NARS2: variants seen among roughly 807,000 people sequenced by gnomAD.
The protein encoded by NARS2 is asparaginyl-tRNA synthetase.
In NARS2, 60 loss-of-function variants were observed where a neutral mutation model predicts 62.9. The ratio of observed to expected loss-of-function variants is 0.95; its 90% CI spans 0.77 to 1.18. NARS2 has a LOEUF of 1.18. Ranked by LOEUF, NARS2 falls within the 50% of genes most tolerant of loss-of-function variation. The pLI is 0.00. For synonymous variants in NARS2, 196 were observed against 200.0 expected (o/e 0.98, Z 0.17); for missense variants, 619 against 576.4 (o/e 1.07, Z -0.76).
intron 11 of NARS2, among the ~76,000 whole-genome samples, chr11:78,459,810 TTAAA>T (rs2135191220): frequency 6.6e-6 from 1 of 152,338 alleles, no homozygotes; most frequent in African/African-American, 2.4e-5. Context: ...GTGTCATTAA[TTAAA>T]TAGTCATGCA....
intron 10 of NARS2, among the ~76,000 whole-genome samples, chr11:78,466,763 G>C (rs909714646): frequency 1.3e-5 from 2 of 152,170 alleles, no homozygotes; most frequent in African/African-American, 4.8e-5. Flanking sequence ...TTACAGGTGT[G>C]AGCCACAGTG....
In NARS2 at chr11:78,503,022, G is replaced by GAGATTGTCT. The variant is rs1860344631; in HGVS notation, c.690-9836_690-9828dup. Among the ~76,000 whole-genome samples, 9 of 147,990 alleles carry GAGATTGTCT rather than the reference G, an allele frequency of 6.1e-5. No homozygotes were observed. In the South Asian group the frequency reaches 1.9e-3, roughly 31 times the overall value. ...AAAAAAAAAAAAAAGGTTGAATGAC[G>GAGATTGTCT]AGATTGTCTATCAAGCACTTTACAC... On this transcript the variant is annotated intron_variant, in intron 6 of 13. Coordinates refer to ENST00000281038, the MANE Select transcript of NARS2 (RefSeq NM_024678.6).
chr11:78,445,939 C>T (rs911580358), intron 11 of NARS2, among the ~76,000 whole-genome samples: 4 of 152,014 alleles, frequency 2.6e-5, no homozygotes, highest in Non-Finnish European at 4.4e-5. Flanking sequence ...CTAGTCTAGG[C>T]GACAGGCAAG....
intron 4 of NARS2, among the ~76,000 whole-genome samples, chr11:78,562,053 C>CA (rs1177966396): frequency 1.8e-4 from 27 of 151,994 alleles, no homozygotes; most frequent in Admixed American, 1.6e-3. Flanking sequence ...AAACAAAAAA[C>CA]AAAAAACAAA....
At chr11:78,512,980 T>G (rs74945575) in intron 6 of NARS2, among the ~76,000 whole-genome samples, 2,354 of 152,308 alleles carry the variant, frequency 0.015, 57 homozygotes, top group African/African-American at 0.054. Flanking sequence ...CCGAGCACAG[T>G]GGCTCACATC....
In NARS2 at chr11:78,508,333, A is replaced by C. The variant is rs189004721; in HGVS notation, c.690-15138T>G. On this transcript the variant is annotated intron_variant, in intron 6 of 13. Coordinates refer to ENST00000281038, the MANE Select transcript of NARS2 (RefSeq NM_024678.6). ...AAAGAGAGTATCTGAAGAAATATGT[A>C]ATCTCAGTACTTTGGGAAGCCGAGG... 5.1e-3 allele frequency among the ~76,000 whole-genome samples: 780 copies of C among 152,328 alleles called. 3 individuals are homozygous for C. The highest frequency in any genetic ancestry group is 0.018 in the African/African-American group (756 of 41,572).
At chr11:78,571,521 G>T in intron 1 of NARS2, 77 bp from the exon 2 acceptor site, 1 of 977,838 alleles carries the variant, frequency 1.0e-6, no homozygotes, top group Non-Finnish European at 1.6e-6. Flanking sequence ...CAGACTAAAT[G>T]AAAGTAAAAC....
At chr11:78,519,592 A>G (rs1351887445) in intron 6 of NARS2, among the ~76,000 whole-genome samples, 1 of 152,200 alleles carries the variant, frequency 6.6e-6, no homozygotes, top group Admixed American at 6.5e-5. Context: ...TGATGTAAAG[A>G]CTTATGATCA....
chr11:78,458,747 G>A (rs1221036894), intron 11 of NARS2, among the ~76,000 whole-genome samples: 2 of 152,158 alleles, frequency 1.3e-5, no homozygotes, highest in Non-Finnish European at 2.9e-5. Flanking sequence ...ACCGATGAAT[G>A]AAAAAGAAGT....
intron 5 of NARS2, among the ~76,000 whole-genome samples, chr11:78,531,825 A>T (rs1042854436): frequency 4.7e-4 from 71 of 152,220 alleles, no homozygotes; most frequent in African/African-American, 1.7e-3. Flanking sequence ...AACATACAGA[A>T]TAGGTAAATC....
intron 11 of NARS2, among the ~76,000 whole-genome samples, chr11:78,456,850 T>C (rs1336759732): frequency 6.6e-6 from 1 of 152,246 alleles, no homozygotes; most frequent in African/African-American, 2.4e-5. Context: ...CAGAGGCATA[T>C]GGCATTTTGC....
intron 11 of NARS2, among the ~76,000 whole-genome samples, chr11:78,451,620 G>C (rs1393201309): frequency 1.3e-5 from 2 of 152,188 alleles, no homozygotes; most frequent in African/African-American, 4.8e-5. Flanking sequence ...GGACAATAAA[G>C]ACAGGAGGAA....
At chr11:78,491,442 A>C (rs1238974900) in intron 7 of NARS2, among the ~76,000 whole-genome samples, 2 of 152,350 alleles carry the variant, frequency 1.3e-5, no homozygotes, top group Middle Eastern at 3.4e-3. Context: ...AATATTACTA[A>C]CTGCTGATGG....
chr11:78,482,396 C>G (rs1373508960), intron 7 of NARS2, among the ~76,000 whole-genome samples: 1 of 151,694 alleles, frequency 6.6e-6, no homozygotes, highest in African/African-American at 2.4e-5. Context: ...TAACTAAGAT[C>G]AGAGCAGAAC....
intron 5 of NARS2, among the ~76,000 whole-genome samples, chr11:78,536,428 G>A (rs918090267): frequency 1.6e-4 from 25 of 152,126 alleles, no homozygotes; most frequent in African/African-American, 5.8e-4. Context: ...CCTTTCAGTA[G>A]GACAAGATAC....
At chr11:78,485,418 C>T (rs1009902513) in intron 7 of NARS2, among the ~76,000 whole-genome samples, 1 of 151,982 alleles carries the variant, frequency 6.6e-6, no homozygotes, top group Admixed American at 6.6e-5. Context: ...AAAAAAAACT[C>T]TGGTCAGAAT....
At chr11:78,487,449 T>C (rs1859630440) in intron 7 of NARS2, among the ~76,000 whole-genome samples, 1 of 150,212 alleles carries the variant, frequency 6.7e-6, no homozygotes, top group Non-Finnish European at 1.5e-5. Flanking sequence ...AAGCAGAGCA[T>C]CACAGCACCA....
chr11:78,504,364 A>G (rs1486866701), intron 6 of NARS2, among the ~76,000 whole-genome samples: 1 of 151,564 alleles, frequency 6.6e-6, no homozygotes, highest in Admixed American at 6.6e-5. Context: ...ATATTCTCCA[A>G]CTGTAAAGAT....
chr11:78,492,494 T>C (rs1394034910), intron 7 of NARS2, among the ~76,000 whole-genome samples: 1 of 152,196 alleles, frequency 6.6e-6, no homozygotes, highest in Non-Finnish European at 1.5e-5. Flanking sequence ...CTCCTTACTA[T>C]GGCACTGAAA....
Sources: allele counts gnomAD v4.1 joint callset (sites outside exome capture counted in the v4.1 genomes callset), GRCh38; gene constraint gnomAD v4.1.1; transcripts MANE v1.5; gene names NCBI Gene and HGNC (gene_info 2026-07-23, HGNC 2026-07-21).